DIAPH2: variants seen among roughly 807,000 people sequenced by gnomAD.
DIAPH2 encodes protein diaphanous homolog 2.
DIAPH2 carries 35 observed loss-of-function variants against 92.7 expected under a neutral mutation model. The ratio of observed to expected loss-of-function variants is 0.38; its 90% CI spans 0.29 to 0.50. The LOEUF (loss-of-function observed/expected upper bound fraction) is 0.50. Ranked by LOEUF, DIAPH2 falls within the 20% of genes least tolerant of loss-of-function variation. DIAPH2 has a pLI of 0.94. For missense variants in DIAPH2, 701 were observed against 819.5 expected, an observed-to-expected ratio of 0.86 and a Z score of 1.77; for synonymous variants, 301 against 280.4, an observed-to-expected ratio of 1.07 and a Z score of -0.73.
intron 4 of DIAPH2, among the ~76,000 whole-genome samples, chrX:96,785,778 C>T (rs959885271): frequency 2.7e-5 from 3 of 110,256 alleles, no homozygotes; most frequent in South Asian, 3.9e-4. Context: ...CTCCCGGCCC[C>T]GAATTTGCCC....
chrX:96,854,071 G>C (rs1265879285), intron 4 of DIAPH2, among the ~76,000 whole-genome samples: 2 of 111,530 alleles, frequency 1.8e-5, no homozygotes, highest in Non-Finnish European at 3.8e-5. Context: ...CTTACGTGAT[G>C]TATGAAAATT....
chrX:97,098,759 C>A (rs958093227), intron 19 of DIAPH2, among the ~76,000 whole-genome samples: 1 of 112,686 alleles, frequency 8.9e-6, no homozygotes, highest in African/African-American at 3.2e-5. Flanking sequence ...TAATCATATT[C>A]GTGAGGGCTC....
intron 24 of DIAPH2, among the ~76,000 whole-genome samples, chrX:97,380,056 T>G: frequency 9.0e-6 from 1 of 110,693 alleles, no homozygotes; most frequent in East Asian, 2.8e-4. Context: ...GATTTGTAAT[T>G]TATTCACTTT....
chrX:97,407,027 G>A lies in DIAPH2; in HGVS notation c.3146-22623G>A, dbSNP rs535700115. 9.9e-5 allele frequency among the ~76,000 whole-genome samples: 11 copies of A among 111,523 alleles called. No individual in the cohort carries two copies. In the South Asian group the frequency reaches 4.1e-3, roughly 42 times the overall value. On this transcript the variant is annotated intron_variant, in intron 25 of 26. Coordinates refer to ENST00000324765, the MANE Select transcript of DIAPH2 (RefSeq NM_006729.5). ...AAAATTATGACTGTTACACGAACAA[G>A]CAAAATAAACATAGTCTTGAATATC...
At chrX:97,412,952 T>A (rs2069894567) in intron 25 of DIAPH2, among the ~76,000 whole-genome samples, 1 of 111,810 alleles carries the variant, frequency 8.9e-6, no homozygotes, top group Non-Finnish European at 1.9e-5. Context: ...CCAGACGGAT[T>A]TGCAGCTGAA....
intron 25 of DIAPH2, among the ~76,000 whole-genome samples, chrX:97,398,266 A>G (rs1313877891): frequency 8.9e-6 from 1 of 111,944 alleles, no homozygotes; most frequent in East Asian, 2.8e-4. Context: ...TCTTCACTCA[A>G]ATAGTCAATA....
intron 7 of DIAPH2, among the ~76,000 whole-genome samples, chrX:96,916,139 C>T (rs775901905): frequency 2.2e-4 from 24 of 111,378 alleles, no homozygotes; most frequent in East Asian, 5.6e-4. Flanking sequence ...TATCAGTATG[C>T]GCTTTATATG....
At chrX:96,971,802 G>A (rs1369483227) in intron 17 of DIAPH2, among the ~76,000 whole-genome samples, 2 of 111,399 alleles carry the variant, frequency 1.8e-5, no homozygotes, top group Non-Finnish European at 3.8e-5. Context: ...CTTCTGAAAG[G>A]ACATATACAG....
At chrX:97,407,859 C>T (rs1317444118) in intron 25 of DIAPH2, among the ~76,000 whole-genome samples, 1 of 111,561 alleles carries the variant, frequency 9.0e-6, no homozygotes, top group African/African-American at 3.2e-5. Context: ...CAAAGAACTG[C>T]AAAGGTCAAG....
chrX:97,276,734 T>A (rs1289267111), intron 23 of DIAPH2, among the ~76,000 whole-genome samples: 1 of 112,277 alleles, frequency 8.9e-6, no homozygotes, highest in Non-Finnish European at 1.9e-5. Flanking sequence ...TGAATGAGAA[T>A]TGCCTTTAGT....
intron 21 of DIAPH2, among the ~76,000 whole-genome samples, chrX:97,124,103 T>C (rs1052938013): frequency 8.9e-6 from 1 of 112,120 alleles, no homozygotes; most frequent in African/African-American, 3.2e-5. Flanking sequence ...CATTAAGAAA[T>C]TGAAATGAGA....
At chrX:97,444,343 C>T (rs1226378653) in intron 26 of DIAPH2, among the ~76,000 whole-genome samples, 2 of 109,210 alleles carry the variant, frequency 1.8e-5, no homozygotes, top group African/African-American at 6.7e-5. Context: ...GCAGTGGTTT[C>T]AGAAAGTCAG....
chrX:97,043,640 C>T (rs1459999798), intron 17 of DIAPH2, among the ~76,000 whole-genome samples: 1 of 110,490 alleles, frequency 9.1e-6, no homozygotes, highest in Non-Finnish European at 1.9e-5. Flanking sequence ...GAGGGCCATG[C>T]AAGAAGGCTG....
intron 23 of DIAPH2, among the ~76,000 whole-genome samples, chrX:97,280,326 A>C (rs1365403933): frequency 2.7e-5 from 3 of 110,156 alleles, no homozygotes; most frequent in African/African-American, 9.9e-5. Flanking sequence ...TACAAAAAAA[A>C]AATTAGCCCA....
At chrX:97,041,537 A>G (rs1411400407) in intron 17 of DIAPH2, among the ~76,000 whole-genome samples, 3 of 111,259 alleles carry the variant, frequency 2.7e-5, no homozygotes, top group Non-Finnish European at 5.7e-5. Flanking sequence ...AAAAAGCAGT[A>G]TTTTTCCTTG....
At chrX:96,729,839 T>C (rs2064043820) in intron 1 of DIAPH2, among the ~76,000 whole-genome samples, 1 of 112,293 alleles carries the variant, frequency 8.9e-6, no homozygotes, top group Non-Finnish European at 1.9e-5. Flanking sequence ...TCTGAGATGG[T>C]GTGCTTATGG....
intron 4 of DIAPH2, among the ~76,000 whole-genome samples, chrX:96,799,606 G>A (rs1231429363): frequency 1.2e-4 from 13 of 111,216 alleles, no homozygotes; most frequent in Non-Finnish European, 1.7e-4. Flanking sequence ...TTAGAAGTTC[G>A]AGACCAGCCT....
intron 22 of DIAPH2, among the ~76,000 whole-genome samples, chrX:97,201,779 A>G (rs903908174): frequency 3.6e-5 from 4 of 111,166 alleles, no homozygotes. Flanking sequence ...CCAACCTAGC[A>G]AGACAGGCCA....
At chrX:97,050,066 A>G (rs1387137296) in intron 17 of DIAPH2, among the ~76,000 whole-genome samples, 1 of 111,364 alleles carries the variant, frequency 9.0e-6, no homozygotes, top group African/African-American at 3.3e-5. Context: ...GATTTATAAC[A>G]TGGTGACATT....
Sources: allele counts gnomAD v4.1 joint callset (sites outside exome capture counted in the v4.1 genomes callset), GRCh38; gene constraint gnomAD v4.1.1; transcripts MANE v1.5; gene names NCBI Gene and HGNC (gene_info 2026-07-23, HGNC 2026-07-21).